The following RNF213 variants were observed in gnomAD, a reference collection of about 807,000 sequenced individuals.
The protein encoded by RNF213 is E3 ubiquitin-protein ligase RNF213.
A neutral mutation model predicts 514.4 loss-of-function variants in RNF213; 341 were observed. The ratio of observed to expected loss-of-function variants is 0.66; its 90% CI spans 0.61 to 0.73. RNF213 has a LOEUF of 0.73. Among genes scored for constraint, RNF213 ranks in the 30% least tolerant of loss-of-function variants. The pLI is 0.00. For synonymous variants in RNF213, 2,655 were observed against 2,658.2 expected (o/e 1.00, Z 0.04); for missense variants, 5,767 against 6,615.6 (o/e 0.87, Z 4.45).
At chr17:80,321,917 G>A (rs2046149400) in intron 17 of RNF213, among the ~76,000 whole-genome samples, 1 of 151,922 alleles carries the variant, frequency 6.6e-6, no homozygotes, top group South Asian at 2.1e-4. Context: ...GTAGAGACGG[G>A]GTTTTGCCGT....
chr17:80,266,177 C>T (rs1440565134), intron 2 of RNF213, among the ~76,000 whole-genome samples: 1 of 151,598 alleles, frequency 6.6e-6, no homozygotes, highest in African/African-American at 2.4e-5. Flanking sequence ...CGTGGTGGTT[C>T]ACGCCTGTAA....
At position 80,347,728 on chromosome 17, in the gene RNF213, C is replaced by T. The variant is rs764628653; in HGVS notation, c.9393C>T (p.Leu3131=). The change falls in exon 29 of 68, where the codon CTC becomes CTT. Residue 3131 remains leucine (L), a synonymous_variant. Coordinates refer to ENST00000582970, the MANE Select transcript of RNF213 (RefSeq NM_001256071.3). This position sits in a 1 kb window ranked among gnomAD's most constrained non-coding sequence, Gnocchi z 7.2. ...TCGGCGGCCAGAAGTACGTGGACCTCGGTCTGGGGACCCACCGCGTCAAAT... is the reference window on the plus strand; with the variant it reads ...TCGGCGGCCAGAAGTACGTGGACCTTGGTCTGGGGACCCACCGCGTCAAAT... ...VHLGGQKYVD[L]GLGTHRVKCR... The T allele has an allele frequency of 1.5e-5, 25 of 1,614,136 alleles. No homozygotes were observed. Among genetic ancestry groups the T allele is most frequent in the Middle Eastern group, 1.6e-4 (1 of 6,062 alleles).
chr17:80,379,319 G>C, intron 54 of RNF213: 2 of 414,386 alleles, frequency 4.8e-6, no homozygotes, highest in Admixed American at 7.0e-5. Context: ...GATGGAAAAA[G>C]TGCTGAATAC....
intron 63 of RNF213, among the ~76,000 whole-genome samples, chr17:80,388,186 G>A (rs530046161): frequency 4.9e-4 from 75 of 152,204 alleles, no homozygotes; most frequent in Non-Finnish European, 8.5e-4. Context: ...GGATGGTCTC[G>A]ATCTCTTGAC....
chr17:80,381,522 A>G (rs1458721816), intron 56 of RNF213, 25 bp from the exon 57 acceptor site: 1 of 1,613,342 alleles, frequency 6.2e-7, no homozygotes, highest in East Asian at 2.2e-5. Context: ...TCCCCGCTGA[A>G]CACTCTGTTC....
In RNF213 at chr17:80,386,336, C is replaced by T. The variant is rs1193723643; in HGVS notation, c.14626C>T (p.Leu4876=). The T allele has an allele frequency of 1.2e-6, 2 of 1,614,118 alleles. No homozygotes were observed. Among genetic ancestry groups the T allele is most frequent in the Non-Finnish European group, 1.7e-6 (2 of 1,179,998 alleles). The stretch of plus-strand genomic sequence containing the variant: ...GATCCTCTTGCCACGCCGACGGGGC[C>T]TGGGCCTCTGTGCTACCGCTCTCGT... The part of the protein sequence containing the change: ...FEILLPRRRG[L]GLCATALVSY... Residue 4876 remains leucine (L), a synonymous_variant, in exon 62 of 68, where the codon CTG becomes TTG. Transcript: ENST00000582970.
chr17:80,273,895 C>G (rs1371015327), intron 3 of RNF213, among the ~76,000 whole-genome samples: 1 of 152,036 alleles, frequency 6.6e-6, no homozygotes, highest in Non-Finnish European at 1.5e-5. Flanking sequence ...GCTGGGATTA[C>G]AGGTGTGAGC....
intron 54 of RNF213, 188 bp from the exon 55 acceptor site, chr17:80,379,432 C>T (rs896135939): frequency 2.2e-5 from 14 of 642,450 alleles, no homozygotes; most frequent in Admixed American, 6.7e-5. Flanking sequence ...AGTTTGCCCA[C>T]GTGCAACATT....
At chr17:80,269,412 C>CTATCTATCTATCTATCT (rs1567990690) in intron 2 of RNF213, among the ~76,000 whole-genome samples, 14 of 150,276 alleles carry the variant, frequency 9.3e-5, no homozygotes, top group East Asian at 7.9e-4. Context: ...ATCATCTATC[C>CTATCTATCTATCTATCT]ATCCATCCAT....
intron 1 of RNF213, among the ~76,000 whole-genome samples, chr17:80,261,265 C>G (rs1332438278): frequency 2.6e-5 from 4 of 152,164 alleles, no homozygotes. Context: ...ACAGCCGGAC[C>G]CGGGCCTGCA....
At position 80,264,717 on chromosome 17, in the gene RNF213, AACCAC is replaced by A. The variant is rs1342049088; in HGVS notation, c.97+941_97+945del. On this transcript the variant is annotated intron_variant, in intron 2 of 67. Coordinates refer to ENST00000582970, the MANE Select transcript of RNF213 (RefSeq NM_001256071.3). The surrounding 1 kb of genome is among the most constrained non-coding windows in gnomAD (Gnocchi z 5.0). Reference sequence around the variant, plus strand: ...TCCTGCTCAGCACAGCAGACAGTCAAACCACAGACCCCCTTACAAGATCCGCCCCT... The same window carrying A: ...TCCTGCTCAGCACAGCAGACAGTCAAAGACCCCCTTACAAGATCCGCCCCT... Among the ~76,000 whole-genome samples, 35 of 151,988 alleles carry A rather than the reference AACCAC, an allele frequency of 2.3e-4. No homozygotes were observed. The highest frequency in any genetic ancestry group is 4.1e-4 in the Non-Finnish European group (28 of 68,014).
chr17:80,393,496 T>C lies in RNF213; in HGVS notation c.15622T>C (p.Ter5208GlnextTer40), dbSNP rs745580000. The C allele has an allele frequency of 6.8e-6, 11 of 1,614,038 alleles. No homozygotes were observed. The highest frequency in any genetic ancestry group is 2.2e-5 in the South Asian group (2 of 91,084). The change falls in exon 68 of 68, where the codon TAG (stop) becomes CAG (glutamine). Residue 5208 changes from the stop codon to glutamine (Q), a stop_lost. Transcript: ENST00000582970. ...AVLKWNREMR[*>Q] ...GCTGAAATGGAATCGAGAAATGAGA[T>C]AGAATTATTTCCTCAGCTATCTTTG... is the stretch of plus-strand genomic sequence containing the variant.
intron 65 of RNF213, 111 bp from the exon 66 acceptor site, chr17:80,389,717 C>T (rs1246055341): frequency 3.3e-6 from 3 of 908,352 alleles, no homozygotes; most frequent in Non-Finnish European, 5.4e-6. Context: ...TAGTACAGGG[C>T]AGAACGAAGA....
chr17:80,345,883 T>G lies in RNF213; in HGVS notation c.7548T>G (p.Ser2516=), dbSNP rs781269279. 1.9e-6 allele frequency: 3 copies of G among 1,614,210 alleles called. No individual in the cohort carries two copies. The change falls in exon 29 of 68, where the codon TCT becomes TCG. Residue 2516 remains serine (S), a synonymous_variant. Coordinates refer to ENST00000582970, the MANE Select transcript of RNF213 (RefSeq NM_001256071.3). This position sits in a 1 kb window ranked among gnomAD's most constrained non-coding sequence, Gnocchi z 6.0. ...ATGGCCAGCCTCTGGCTGAGGACTC[T>G]GGCCTGCATATTATAGCTGCCTGCA... ...MVDGQPLAED[S]GLHIIAACNP...
At chr17:80,388,003 A>G (rs1026138228) in intron 63 of RNF213, among the ~76,000 whole-genome samples, 1 of 135,652 alleles carries the variant, frequency 7.4e-6, no homozygotes, top group African/African-American at 2.9e-5. Context: ...TCTGTCACCC[A>G]GGCTGGATTG....
At chr17:80,385,671 T>C in intron 61 of RNF213, 50 bp downstream of exon 61, 1 of 1,504,886 alleles carries the variant, frequency 6.6e-7, no homozygotes, top group Non-Finnish European at 9.2e-7. Context: ...GAGCCTCGTC[T>C]GAAAGCTCTT....
In RNF213 at chr17:80,288,502, G is replaced by GC. The variant is rs1406379556; in HGVS notation, c.811-130dup. 4 of 1,599,554 alleles carry GC rather than the reference G, an allele frequency of 2.5e-6. No homozygotes were observed. In the African/African-American group the frequency reaches 5.4e-5, roughly 21 times the overall value. On this transcript the variant is annotated intron_variant, in intron 4 of 67. Transcript: ENST00000582970. The surrounding 1 kb of genome is among the most constrained non-coding windows in gnomAD (Gnocchi z 4.9). ...CTGCTCCCTGGGTGGGAGTCGGAGG[G>GC]CTGCCCCTCCACTGGGGATGCCAGC... is the stretch of plus-strand genomic sequence containing the variant.
intron 50 of RNF213, among the ~76,000 whole-genome samples, chr17:80,375,251 T>A (rs573355576): frequency 3.7e-4 from 56 of 152,370 alleles, no homozygotes; most frequent in African/African-American, 1.3e-3. Flanking sequence ...AGGAACTTTG[T>A]AGCCCAAAAG....
At chr17:80,335,453 C>CT (rs1295545022) in intron 22 of RNF213, among the ~76,000 whole-genome samples, 4 of 152,120 alleles carry the variant, frequency 2.6e-5, no homozygotes, top group African/African-American at 9.7e-5. Flanking sequence ...GTGGTGGACT[C>CT]TCTGGTCCAC....
Sources: gnomAD v4.1 joint callset for allele counts (sites outside exome capture counted in the v4.1 genomes callset) on GRCh38, gnomAD v4.1.1 for gene constraint, Gnocchi (gnomAD v3.1) non-coding constraint, MANE v1.5 for transcripts, NCBI Gene and HGNC (gene_info 2026-07-23, HGNC 2026-07-21) for gene names.